IFT80: variants seen among roughly 807,000 people sequenced by gnomAD.
The protein encoded by IFT80 is intraflagellar transport protein 80 homolog.
In IFT80, 79 loss-of-function variants were observed where a neutral mutation model predicts 107.9. The observed-to-expected ratio is 0.73, with a 90% CI of 0.61 to 0.88. IFT80 has a LOEUF of 0.88. IFT80 is among the 40% of genes least tolerant of loss of function. IFT80 has a pLI of 0.00. For missense variants in IFT80, 797 were observed against 914.2 expected, an observed-to-expected ratio of 0.87 and a Z score of 1.65; for synonymous variants, 299 against 300.9, an observed-to-expected ratio of 0.99 and a Z score of 0.07.
At position 160,277,283 on chromosome 3, in the gene IFT80, C is replaced by T. The variant is rs754612039; in HGVS notation, c.2099+23G>A. The T allele has an allele frequency of 8.7e-6, 14 of 1,603,498 alleles. No individual in the cohort carries two copies. The South Asian group carries it at 1.2e-4, about 14-fold the overall frequency. ...CATTAAGGTCAAACAGATTTTGGAA[C>T]TGATGGAAAGCATTCTTATTACCTT... On this transcript the variant is annotated intron_variant, in intron 18 of 19. Transcript: ENST00000326448.
chr3:160,306,699 T>G (rs912204788), intron 10 of IFT80, among the ~76,000 whole-genome samples: 4 of 152,224 alleles, frequency 2.6e-5, no homozygotes, highest in African/African-American at 9.6e-5. Flanking sequence ...AGATTCTGAT[T>G]AGTAGCAGGT....
intron 6 of IFT80, among the ~76,000 whole-genome samples, chr3:160,365,727 A>G (rs950097114): frequency 6.6e-6 from 1 of 152,058 alleles, no homozygotes; most frequent in Non-Finnish European, 1.5e-5. Context: ...ACATTCAACA[A>G]TATTTTATAA....
At chr3:160,374,893 A>G (rs1353224833) in intron 5 of IFT80, among the ~76,000 whole-genome samples, 3 of 152,172 alleles carry the variant, frequency 2.0e-5, no homozygotes, top group Non-Finnish European at 4.4e-5. Flanking sequence ...CTGCCTTGAG[A>G]TTATCTGTAG....
intron 8 of IFT80, among the ~76,000 whole-genome samples, chr3:160,331,218 C>T (rs543874500): frequency 5.9e-5 from 9 of 152,248 alleles, no homozygotes; most frequent in African/African-American, 1.9e-4. Flanking sequence ...AATACTGTGA[C>T]AGTTGATCTG....
chr3:160,352,013 A>G (rs1021610150), intron 8 of IFT80, among the ~76,000 whole-genome samples: 1 of 149,180 alleles, frequency 6.7e-6, no homozygotes, highest in Non-Finnish European at 1.5e-5. Context: ...ATAACACAAT[A>G]GTAATTTTTT....
At chr3:160,321,182 A>G (rs185491481) in intron 8 of IFT80, among the ~76,000 whole-genome samples, 34 of 152,130 alleles carry the variant, frequency 2.2e-4, no homozygotes, top group Non-Finnish European at 1.5e-5. Flanking sequence ...ATAATATTTG[A>G]AGTCATCTTT....
At chr3:160,333,988 G>C (rs146835883) in intron 8 of IFT80, among the ~76,000 whole-genome samples, 18 of 152,186 alleles carry the variant, frequency 1.2e-4, no homozygotes, top group Non-Finnish European at 1.3e-4. Context: ...TATGATACTA[G>C]GATGGCTATG....
At chr3:160,290,193 G>A (rs1450723852) in intron 12 of IFT80, among the ~76,000 whole-genome samples, 1 of 152,016 alleles carries the variant, frequency 6.6e-6, no homozygotes, top group Non-Finnish European at 1.5e-5. Context: ...GATCACTTGA[G>A]GTTAGGAGTT....
chr3:160,377,918 C>A (rs1712155107), intron 3 of IFT80: 1 of 158,366 alleles, frequency 6.3e-6, no homozygotes, highest in African/African-American at 2.4e-5. Flanking sequence ...TTTTAAATTA[C>A]CAGCTGTATA....
At chr3:160,337,734 G>A (rs1250653619) in intron 8 of IFT80, among the ~76,000 whole-genome samples, 1 of 152,096 alleles carries the variant, frequency 6.6e-6, no homozygotes, top group Non-Finnish European at 1.5e-5. Context: ...TGCTATCAAA[G>A]TCTGATGATG....
intron 3 of IFT80, among the ~76,000 whole-genome samples, chr3:160,378,688 C>A (rs1712231428): frequency 6.6e-6 from 1 of 151,402 alleles, no homozygotes; most frequent in African/African-American, 2.4e-5. Context: ...GGGGCTCCCA[C>A]TGGCCAAATC....
chr3:160,288,540 G>C (rs1715274675), intron 12 of IFT80, among the ~76,000 whole-genome samples: 1 of 152,072 alleles, frequency 6.6e-6, no homozygotes, highest in Admixed American at 6.5e-5. Flanking sequence ...ACTATCAACA[G>C]AGTAAACAGA....
rs1169723411 is a variant in IFT80 at position 160,299,225 on chromosome 3, A to G, written c.1315+1658T>C. ...TCTGTTTTCCTCTTTCTTAGCCAAA[A>G]AGGAAGTCCTTTAAAAAAAAATTAC... is the stretch of plus-strand genomic sequence containing the variant. On this transcript the variant is annotated intron_variant, in intron 12 of 19. Coordinates refer to ENST00000326448, the MANE Select transcript of IFT80 (RefSeq NM_020800.3). 7.0e-6 allele frequency: 8 copies of G among 1,140,018 alleles called. No homozygotes were observed. In the African/African-American group the frequency reaches 1.1e-4, roughly 16 times the overall value. The allele number at this position is 1,140,018 out of a possible 1,614,324, so 70.6% of individuals were successfully genotyped here. A position where few individuals can be genotyped will look rare whatever the true frequency, so the allele number is the denominator to read the frequency against.
At chr3:160,370,278 A>T (rs968998228) in intron 5 of IFT80, among the ~76,000 whole-genome samples, 1 of 152,154 alleles carries the variant, frequency 6.6e-6, no homozygotes, top group African/African-American at 2.4e-5. Context: ...CTTGGAATAG[A>T]GTCTGGCACT....
intron 5 of IFT80, chr3:160,373,589 T>C (rs1711724807): frequency 6.2e-6 from 1 of 160,976 alleles, no homozygotes; most frequent in South Asian, 2.0e-4. Context: ...CATTGTAATA[T>C]ATAATGAAAT....
intron 9 of IFT80, among the ~76,000 whole-genome samples, chr3:160,316,947 C>G (rs944721022): frequency 7.2e-5 from 11 of 152,158 alleles, no homozygotes. Context: ...ATTTAAGCCT[C>G]TGAACCAATA....
At position 160,274,959 on chromosome 3, in the gene IFT80, G is replaced by T. The variant is rs543447415; in HGVS notation, c.2099+2347C>A. Among the ~76,000 whole-genome samples, 18 of 152,334 alleles carry T rather than the reference G, an allele frequency of 1.2e-4. No homozygotes were observed. The South Asian group carries it at 3.7e-3, about 32-fold the overall frequency. ...GATATATGCAATGGTACCAGCCATA[G>T]ATAATTGATTGCTTAGTGATAAATT... On this transcript the variant is annotated intron_variant, in intron 18 of 19. Transcript: ENST00000326448.
intron 19 of IFT80, 96 bp downstream of exon 19, chr3:160,268,317 C>G: frequency 8.7e-7 from 1 of 1,153,746 alleles, no homozygotes; most frequent in South Asian, 1.4e-5. Context: ...TTAAAAGATT[C>G]AAAATTTGAA....
chr3:160,279,057 T>A (rs765051211), intron 16 of IFT80, 136 bp downstream of exon 16: 2 of 675,116 alleles, frequency 3.0e-6, no homozygotes, highest in African/African-American at 3.6e-5. Context: ...GTATTGCCCA[T>A]GTCTTTACTT....
Sources: allele counts gnomAD v4.1 joint callset (sites outside exome capture counted in the v4.1 genomes callset), GRCh38; gene constraint gnomAD v4.1.1; transcripts MANE v1.5; gene names NCBI Gene and HGNC (gene_info 2026-07-23, HGNC 2026-07-21).